Variants in PRICKLE2 observed in about 807,000 individuals in gnomAD.
PRICKLE2 encodes the protein prickle planar cell polarity protein 2.
In PRICKLE2, 21 loss-of-function variants were observed where a neutral mutation model predicts 81.4. The observed-to-expected ratio is 0.26, with a 90% CI of 0.18 to 0.37. The LOEUF (loss-of-function observed/expected upper bound fraction) is 0.37, where lower values mean the gene tolerates loss of function less well. PRICKLE2 is among the 10% of genes least tolerant of loss of function. The pLI is 1.00. For missense variants in PRICKLE2, 940 were observed against 1,109.0 expected (o/e 0.85, Z 2.16); for synonymous variants, 456 against 421.5 (o/e 1.08, Z -1.00).
At chr3:64,158,759 T>C (rs545433495) in intron 4 of PRICKLE2, among the ~76,000 whole-genome samples, 97 of 152,182 alleles carry the variant, frequency 6.4e-4, no homozygotes, top group Non-Finnish European at 1.2e-3. Context: ...CCAGATATAC[T>C]TCATAAGAAT....
intron 1 of PRICKLE2, among the ~76,000 whole-genome samples, chr3:64,205,101 T>TAAAA (rs3056514): frequency 0.095 from 13,545 of 142,558 alleles, 940 homozygotes; most frequent in East Asian, 0.37. Flanking sequence ...AGGATTTCGT[T>TAAAA]AAAAAAAAAA....
At chr3:64,228,690 G>T (rs1575691641), upstream of PRICKLE2, among the ~76,000 whole-genome samples, 2 of 152,140 alleles carry the variant, frequency 1.3e-5, no homozygotes, top group East Asian at 3.8e-4. Flanking sequence ...CTTCATGCGA[G>T]TAAAGGCAGG....
chr3:64,199,287 C>G (rs1313813921), intron 1 of PRICKLE2: 1 of 475,114 alleles, frequency 2.1e-6, no homozygotes, highest in Non-Finnish European at 3.8e-6. Context: ...CTAGGTAGAC[C>G]ACTGGATATG....
At chr3:64,265,875 G>A (rs914745699) in intron 2 of PRICKLE2, among the ~76,000 whole-genome samples, 1 of 152,196 alleles carries the variant, frequency 6.6e-6, no homozygotes, top group East Asian at 1.9e-4. Context: ...CTAAGTGGGA[G>A]GAGGCTAGTG....
rs75799699 is a variant in PRICKLE2, at chr3:64,155,221, A to T, written c.601-1853T>A. 1.0e-4 allele frequency among the ~76,000 whole-genome samples: 13 copies of T among 129,660 alleles called. No individual in the cohort carries two copies. The East Asian group carries it at 1.1e-3, about 11-fold the overall frequency. 85.1% of individuals were successfully genotyped at this position (129,660 alleles called of 152,430 possible). On this transcript the variant is annotated intron_variant, in intron 5 of 7. Coordinates refer to ENST00000638394, the MANE Select transcript of PRICKLE2 (RefSeq NM_198859.4). The stretch of plus-strand genomic sequence containing the variant: ...TAGTCAAAAAATTTAAATTAAAAAA[A>T]TTTTTTCAGACATTTCTCTGAAAAA...
intron 4 of PRICKLE2, among the ~76,000 whole-genome samples, chr3:64,158,697 A>C (rs2077679644): frequency 1.3e-5 from 2 of 152,218 alleles, no homozygotes; most frequent in Non-Finnish European, 1.5e-5. Context: ...TGGATGGAGC[A>C]CAGTGAATCT....
intron 2 of PRICKLE2, among the ~76,000 whole-genome samples, chr3:64,181,715 A>G (rs1269373068): frequency 6.6e-6 from 1 of 152,194 alleles, no homozygotes; most frequent in East Asian, 1.9e-4. Context: ...GGGAGCAAAG[A>G]TGTGTGAAAA....
chr3:64,103,296 C>A (rs1338377485), intron 7 of PRICKLE2, among the ~76,000 whole-genome samples: 2 of 152,114 alleles, frequency 1.3e-5, no homozygotes, highest in African/African-American at 2.4e-5. Context: ...TCCTTGCCTC[C>A]ACACAGAATT....
intron 2 of PRICKLE2, among the ~76,000 whole-genome samples, chr3:64,248,864 G>A (rs921853019): frequency 4.0e-5 from 6 of 151,850 alleles, no homozygotes; most frequent in Non-Finnish European, 8.8e-5. Context: ...CTGAAATGAA[G>A]CTGAAAATGA....
intron 7 of PRICKLE2, among the ~76,000 whole-genome samples, chr3:64,121,097 A>G (rs552042875): frequency 6.6e-6 from 1 of 152,264 alleles, no homozygotes; most frequent in Admixed American, 6.5e-5. Flanking sequence ...CTCTGCACAG[A>G]TGGAATAAGC....
intron 1 of PRICKLE2, among the ~76,000 whole-genome samples, chr3:64,219,741 C>A (rs6801093): frequency 0.02 from 3,110 of 152,242 alleles, 65 homozygotes; most frequent in Non-Finnish European, 0.034. Context: ...ACAAACACAT[C>A]CCCAGGGGAC....
chr3:64,241,896 C>A (rs1478677517), intron 2 of PRICKLE2, among the ~76,000 whole-genome samples: 3 of 152,140 alleles, frequency 2.0e-5, no homozygotes, highest in Non-Finnish European at 4.4e-5. Flanking sequence ...AAACAAAACC[C>A]ACCAGGTATC....
chr3:64,217,355 G>A (rs2078887999), intron 1 of PRICKLE2, among the ~76,000 whole-genome samples: 1 of 151,926 alleles, frequency 6.6e-6, no homozygotes, highest in African/African-American at 2.4e-5. Flanking sequence ...ATAAATTTAG[G>A]GGGTACAAGT....
At chr3:64,202,645 CGTGTGTGTGTGTGT>C (rs71099794) in intron 1 of PRICKLE2, among the ~76,000 whole-genome samples, 7 of 149,326 alleles carry the variant, frequency 4.7e-5, no homozygotes, top group African/African-American at 1.7e-4. Flanking sequence ...TACTTGTGTG[CGTGTGTGTGTGTGT>C]GTGTGTGTGT....
intron 2 of PRICKLE2, among the ~76,000 whole-genome samples, chr3:64,253,406 C>T (rs141182930): frequency 1.7e-3 from 262 of 152,236 alleles, no homozygotes; most frequent in African/African-American, 5.8e-3. Context: ...AGACACCTAC[C>T]TCTGCCGGTC....
chr3:64,181,961 A>T (rs1161858350), intron 2 of PRICKLE2, among the ~76,000 whole-genome samples: 1 of 152,206 alleles, frequency 6.6e-6, no homozygotes, highest in African/African-American at 2.4e-5. Flanking sequence ...ATTAAGAAGG[A>T]AGACAAAAAT....
intron 2 of PRICKLE2, among the ~76,000 whole-genome samples, chr3:64,266,202 A>T (rs1282850498): frequency 2.3e-4 from 6 of 25,712 alleles, no homozygotes; most frequent in Non-Finnish European, 6.6e-4. Flanking sequence ...ACCGCAAAAG[A>T]AAAAAAAAAA....
chr3:64,157,125 G>A lies in PRICKLE2; in HGVS notation c.600+37C>T, dbSNP rs371452511. The A allele has an allele frequency of 7.0e-6, 11 of 1,581,482 alleles. No homozygotes were observed. In the African/African-American group the frequency reaches 1.3e-4, roughly 19 times the overall value. On this transcript the variant is annotated intron_variant, in intron 5 of 7. Transcript: ENST00000638394. ...GTGTTGGCTATGGTGCAATGAAGGG[G>A]TGATGGGCAGGTAAACCTGCTGGAG...
chr3:64,210,691 A>G (rs1162133379), intron 1 of PRICKLE2, among the ~76,000 whole-genome samples: 1 of 152,216 alleles, frequency 6.6e-6, no homozygotes, highest in Non-Finnish European at 1.5e-5. Context: ...CTTACTTTAG[A>G]CTAATTTATC....
Sources: allele counts gnomAD v4.1 joint callset (sites outside exome capture counted in the v4.1 genomes callset), GRCh38; gene constraint gnomAD v4.1.1; transcripts MANE v1.5; gene names NCBI Gene and HGNC (gene_info 2026-07-23, HGNC 2026-07-21).